PARVA: variants seen among roughly 807,000 people sequenced by gnomAD.
The protein encoded by PARVA is alpha-parvin.
PARVA carries 25 observed loss-of-function variants against 52.6 expected under a neutral mutation model. That is an observed-to-expected ratio of 0.48 (90% confidence interval 0.35 to 0.66). The LOEUF (loss-of-function observed/expected upper bound fraction) is 0.66, where lower values mean the gene tolerates loss of function less well. Ranked by LOEUF, PARVA falls within the 30% of genes least tolerant of loss-of-function variation. PARVA has a pLI of 0.01. For missense variants in PARVA, 373 were observed against 450.9 expected, an observed-to-expected ratio of 0.83 and a Z score of 1.56; for synonymous variants, 185 against 179.1, an observed-to-expected ratio of 1.03 and a Z score of -0.26.
chr11:12,478,310 G>A, intron 4 of PARVA: 2 of 362,366 alleles, frequency 5.5e-6, no homozygotes, highest in South Asian at 4.5e-5. Flanking sequence ...ATGGGCCTGA[G>A]TATGCATTTT....
At chr11:12,384,794 GA>G in intron 1 of PARVA, among the ~76,000 whole-genome samples, 1 of 152,276 alleles carries the variant, frequency 6.6e-6, no homozygotes, top group South Asian at 2.1e-4. Context: ...GAGTGAGCAT[GA>G]TTGTGGAACG....
At chr11:12,490,157 C>T (rs1458692018) in intron 4 of PARVA, among the ~76,000 whole-genome samples, 5 of 148,530 alleles carry the variant, frequency 3.4e-5, no homozygotes, top group South Asian at 4.3e-4. Flanking sequence ...CAGAGCTTGC[C>T]GTGAGCCGAG....
intron 1 of PARVA, among the ~76,000 whole-genome samples, chr11:12,444,952 G>T: frequency 6.6e-6 from 1 of 152,162 alleles, no homozygotes; most frequent in East Asian, 1.9e-4. Context: ...AGTTGAGAGG[G>T]CTTGTCGTAT....
chr11:12,448,456 AG>A (rs1194867323), intron 1 of PARVA, among the ~76,000 whole-genome samples: 2 of 152,230 alleles, frequency 1.3e-5, no homozygotes, highest in Non-Finnish European at 2.9e-5. Context: ...TAGGACACCC[AG>A]GAGTTGTAGC....
chr11:12,411,037 A>T (rs1474224403), intron 1 of PARVA, among the ~76,000 whole-genome samples: 1 of 152,202 alleles, frequency 6.6e-6, no homozygotes, highest in Non-Finnish European at 1.5e-5. Flanking sequence ...TATGGTACTT[A>T]GCAGAGTACC....
intron 3 of PARVA, among the ~76,000 whole-genome samples, chr11:12,476,275 G>C (rs565947849): frequency 6.6e-6 from 1 of 152,112 alleles, no homozygotes; most frequent in African/African-American, 2.4e-5. Context: ...CGATTTTCTA[G>C]ATCTAGGCTG....
intron 1 of PARVA, among the ~76,000 whole-genome samples, chr11:12,433,813 G>T (rs1026553074): frequency 6.6e-6 from 1 of 152,336 alleles, no homozygotes; most frequent in East Asian, 1.9e-4. Context: ...CAGCCAGATG[G>T]TCTTTAACAG....
At chr11:12,435,464 C>T (rs922071884) in intron 1 of PARVA, among the ~76,000 whole-genome samples, 5 of 152,156 alleles carry the variant, frequency 3.3e-5, no homozygotes, top group African/African-American at 4.8e-5. Context: ...ACAGAGCTTC[C>T]GGTCTATTTC....
chr11:12,524,192 C>A (rs1305002771), intron 12 of PARVA, among the ~76,000 whole-genome samples: 7 of 152,162 alleles, frequency 4.6e-5, no homozygotes, highest in Non-Finnish European at 5.9e-5. Context: ...TGCTAATGGG[C>A]AAAGATGGGA....
At chr11:12,424,794 T>A (rs985708127) in intron 1 of PARVA, among the ~76,000 whole-genome samples, 1 of 152,236 alleles carries the variant, frequency 6.6e-6, no homozygotes, top group Non-Finnish European at 1.5e-5. Flanking sequence ...TGAATGTTAT[T>A]GATGGCCTCA....
chr11:12,488,405 T>G (rs1253800483), intron 4 of PARVA, among the ~76,000 whole-genome samples: 1 of 152,184 alleles, frequency 6.6e-6, no homozygotes, highest in Admixed American at 6.5e-5. Context: ...TTCTTCTGAT[T>G]CCAAGAACAA....
chr11:12,398,500 A>T (rs906349262), intron 1 of PARVA: 1 of 150,100 alleles, frequency 6.7e-6, no homozygotes, highest in African/African-American at 2.4e-5. Context: ...TGAACCCCTT[A>T]TAAGAGCAGA....
intron 1 of PARVA, among the ~76,000 whole-genome samples, chr11:12,456,327 T>C (rs531473063): frequency 6.6e-6 from 1 of 150,468 alleles, no homozygotes; most frequent in Non-Finnish European, 1.5e-5. Context: ...GATTCCCACT[T>C]TAGAGGGGGA....
chr11:12,511,314 G>T, intron 7 of PARVA, among the ~76,000 whole-genome samples, 200 bp from the exon 8 acceptor site: 1 of 152,066 alleles, frequency 6.6e-6, no homozygotes, highest in Admixed American at 6.6e-5. Context: ...GTGGTAATGT[G>T]GTAAAGTCTC....
chr11:12,452,797 A>G (rs1433522103), intron 1 of PARVA: 3 of 287,416 alleles, frequency 1.0e-5, no homozygotes, highest in Non-Finnish European at 2.2e-5. Flanking sequence ...GTGGCATCGT[A>G]TTAAATTATA....
chr11:12,435,328 TCAC>T (rs1344469897), intron 1 of PARVA, among the ~76,000 whole-genome samples: 2 of 152,192 alleles, frequency 1.3e-5, no homozygotes, highest in African/African-American at 2.4e-5. Context: ...CCTTCTCCTG[TCAC>T]TCCAGCCAAG....
chr11:12,409,531 G>C (rs1939963101), intron 1 of PARVA, among the ~76,000 whole-genome samples: 1 of 152,186 alleles, frequency 6.6e-6, no homozygotes, highest in Non-Finnish European at 1.5e-5. Flanking sequence ...AAAAGTGGAA[G>C]AGAGGACAGA....
In PARVA at chr11:12,518,661, A is replaced by G. The variant is rs148720391; in HGVS notation, c.1042+144A>G. 2.5e-3 allele frequency: 1,724 copies of G among 677,512 alleles called. 18 individuals carry two copies. The highest frequency in any genetic ancestry group is 0.025 in the African/African-American group (1,413 of 56,084). 42.0% of individuals were successfully genotyped at this position (677,512 alleles called of 1,614,324 possible). ...GGACTCGGTGCAGCTGCTCAGTCCC[A>G]GAGACCCTTTGTGAGCTGCCAGCTG... On this transcript the variant is annotated intron_variant, in intron 12 of 12. Coordinates refer to ENST00000334956, the MANE Select transcript of PARVA (RefSeq NM_018222.5).
chr11:12,398,792 G>C (rs766687658), intron 1 of PARVA, among the ~76,000 whole-genome samples: 37 of 152,102 alleles, frequency 2.4e-4, no homozygotes, highest in Non-Finnish European at 4.1e-4. Context: ...ATTCCTTGCT[G>C]TTATTACCAC....
Sources: allele counts gnomAD v4.1 joint callset (sites outside exome capture counted in the v4.1 genomes callset), GRCh38; gene constraint gnomAD v4.1.1; transcripts MANE v1.5; gene names NCBI Gene and HGNC (gene_info 2026-07-23, HGNC 2026-07-21).